The following GALNTL6 variants were observed in gnomAD, a reference collection of about 807,000 sequenced individuals.
The protein encoded by GALNTL6 is polypeptide N-acetylgalactosaminyltransferase-like 6.
In GALNTL6, 46 loss-of-function variants were observed where a neutral mutation model predicts 73.7. The observed-to-expected ratio is 0.62, with a 90% CI of 0.49 to 0.80. The LOEUF (loss-of-function observed/expected upper bound fraction) is 0.80, where lower values mean the gene tolerates loss of function less well. Among genes scored for constraint, GALNTL6 ranks in the 30% least tolerant of loss-of-function variants. GALNTL6 has a pLI of 0.00. For missense variants in GALNTL6, 604 were observed against 755.0 expected (o/e 0.80, Z 2.34); for synonymous variants, 259 against 263.7 (o/e 0.98, Z 0.17).
rs1731711330 is a variant in GALNTL6 at position 172,076,643 on chromosome 4, A to G, written c.139-153013A>G. On this transcript the variant is annotated intron_variant, in intron 2 of 12. Coordinates refer to ENST00000506823, the MANE Select transcript of GALNTL6 (RefSeq NM_001034845.3). Reference sequence around the variant, plus strand: ...CTTTTTATAAACCAGTCTACAAACTACTCAAATTCTTGCTATGTATTTCAT... The same window carrying G: ...CTTTTTATAAACCAGTCTACAAACTGCTCAAATTCTTGCTATGTATTTCAT... Among the ~76,000 whole-genome samples the G allele has an allele frequency of 2.6e-5, 4 of 152,206 alleles. No homozygotes were observed. The South Asian group carries it at 8.3e-4, about 31-fold the overall frequency.
At chr4:172,700,539 C>G (rs1431479941) in intron 5 of GALNTL6, among the ~76,000 whole-genome samples, 1 of 152,106 alleles carries the variant, frequency 6.6e-6, no homozygotes, top group African/African-American at 2.4e-5. Context: ...TAGACTGAGA[C>G]TCCCAGAGCT....
intron 5 of GALNTL6, among the ~76,000 whole-genome samples, chr4:172,515,450 G>C (rs1170198347): frequency 6.6e-6 from 1 of 152,200 alleles, no homozygotes; most frequent in African/African-American, 2.4e-5. Context: ...GATTTACACA[G>C]TCCGGATTCT....
At chr4:171,900,681 T>C (rs1188014199) in intron 2 of GALNTL6, among the ~76,000 whole-genome samples, 1 of 152,044 alleles carries the variant, frequency 6.6e-6, no homozygotes. Flanking sequence ...ATAGGACTTA[T>C]ATGTGAAAAT....
chr4:171,948,165 C>T (rs1738757675), intron 2 of GALNTL6, among the ~76,000 whole-genome samples: 1 of 13,874 alleles, frequency 7.2e-5, no homozygotes, highest in Non-Finnish European at 2.2e-4. Flanking sequence ...AAAGAAAATT[C>T]AATTTTTGGA....
intron 2 of GALNTL6, among the ~76,000 whole-genome samples, chr4:172,058,555 C>A (rs1731101061): frequency 6.6e-6 from 1 of 151,896 alleles, no homozygotes; most frequent in Non-Finnish European, 1.5e-5. Context: ...TGTGCATGTA[C>A]ACTTGCATGT....
intron 5 of GALNTL6, among the ~76,000 whole-genome samples, chr4:172,548,222 A>T (rs1278570185): frequency 6.6e-6 from 1 of 152,154 alleles, no homozygotes; most frequent in Non-Finnish European, 1.5e-5. Context: ...CTGGAGAAGT[A>T]TTTGCTTTAT....
chr4:171,926,818 A>T (rs918153521), intron 2 of GALNTL6, among the ~76,000 whole-genome samples: 1 of 151,984 alleles, frequency 6.6e-6, no homozygotes, highest in South Asian at 2.1e-4. Flanking sequence ...TTCCTTCCTG[A>T]TTAGCAAATT....
At chr4:172,859,333 C>T (rs1744275822) in intron 7 of GALNTL6, among the ~76,000 whole-genome samples, 2 of 152,150 alleles carry the variant, frequency 1.3e-5, no homozygotes, top group Non-Finnish European at 2.9e-5. Flanking sequence ...TCCTTGTTCT[C>T]ATCCTTGTTC....
At chr4:172,073,083 C>G (rs1295264608) in intron 2 of GALNTL6, among the ~76,000 whole-genome samples, 1 of 152,114 alleles carries the variant, frequency 6.6e-6, no homozygotes, top group Admixed American at 6.6e-5. Context: ...TAACATGGAA[C>G]CTGCTGTTTC....
intron 2 of GALNTL6, among the ~76,000 whole-genome samples, chr4:172,076,371 T>G (rs1053061021): frequency 1.3e-5 from 2 of 152,246 alleles, no homozygotes; most frequent in Non-Finnish European, 2.9e-5. Flanking sequence ...TCATTTCATA[T>G]GCCAACCTTT....
At chr4:171,846,943 A>G (rs375346898) in intron 2 of GALNTL6, among the ~76,000 whole-genome samples, 6 of 33,870 alleles carry the variant, frequency 1.8e-4, no homozygotes, top group East Asian at 8.4e-4. Flanking sequence ...TATACATATA[A>G]TTATATGTAA....
At chr4:171,913,132 C>G (rs947272541) in intron 2 of GALNTL6, among the ~76,000 whole-genome samples, 2 of 152,050 alleles carry the variant, frequency 1.3e-5, no homozygotes, top group African/African-American at 4.8e-5. Flanking sequence ...GATCAGAAAC[C>G]ATGAATTGGT....
intron 5 of GALNTL6, among the ~76,000 whole-genome samples, chr4:172,796,675 G>A (rs1173312241): frequency 6.6e-6 from 1 of 152,082 alleles, no homozygotes; most frequent in Admixed American, 6.6e-5. Flanking sequence ...AAGAAATGGG[G>A]CAATGCCTTG....
chr4:172,254,994 A>C (rs1738023304), intron 3 of GALNTL6, among the ~76,000 whole-genome samples: 1 of 151,688 alleles, frequency 6.6e-6, no homozygotes, highest in Non-Finnish European at 1.5e-5. Flanking sequence ...CAGAAATTCA[A>C]ACACAATAGA....
At chr4:172,839,223 C>T (rs1475044419) in intron 7 of GALNTL6, among the ~76,000 whole-genome samples, 1 of 152,144 alleles carries the variant, frequency 6.6e-6, no homozygotes, top group Non-Finnish European at 1.5e-5. Flanking sequence ...GTAGCAGTTA[C>T]CGAAGGCTGC....
At chr4:172,055,538 A>G (rs1730995789) in intron 2 of GALNTL6, among the ~76,000 whole-genome samples, 1 of 150,358 alleles carries the variant, frequency 6.7e-6, no homozygotes, top group African/African-American at 2.5e-5. Flanking sequence ...TAGAAATCAA[A>G]TTGAGACTTC....
At chr4:172,080,662 C>A (rs896749857) in intron 2 of GALNTL6, among the ~76,000 whole-genome samples, 1 of 151,340 alleles carries the variant, frequency 6.6e-6, no homozygotes, top group Non-Finnish European at 1.5e-5. Flanking sequence ...TGTTGTATAT[C>A]GTATATCAAT....
intron 3 of GALNTL6, among the ~76,000 whole-genome samples, chr4:172,311,106 A>C (rs1385740662): frequency 6.6e-6 from 1 of 152,158 alleles, no homozygotes; most frequent in Non-Finnish European, 1.5e-5. Flanking sequence ...TATGTACTTT[A>C]AAGATATCTC....
chr4:172,824,689 A>G (rs1050904337), intron 7 of GALNTL6, among the ~76,000 whole-genome samples: 5 of 151,962 alleles, frequency 3.3e-5, no homozygotes, highest in Non-Finnish European at 7.4e-5. Context: ...GTTCAGGATC[A>G]CTCGTGGAGG....
Sources: gnomAD v4.1 joint callset for allele counts (sites outside exome capture counted in the v4.1 genomes callset) on GRCh38, gnomAD v4.1.1 for gene constraint, MANE v1.5 for transcripts, NCBI Gene and HGNC (gene_info 2026-07-23, HGNC 2026-07-21) for gene names.